Variants in ZNF665 observed in about 807,000 individuals in gnomAD.
ZNF665 encodes the protein zinc finger protein 665.
In ZNF665, 6 loss-of-function variants were observed where a neutral mutation model predicts 7.9. The ratio of observed to expected loss-of-function variants is 0.76; its 90% CI spans 0.42 to 1.50. The LOEUF (loss-of-function observed/expected upper bound fraction) is 1.50, where lower values mean the gene tolerates loss of function less well. ZNF665 is among the 40% of genes most tolerant of loss of function. The pLI, the probability that ZNF665 is intolerant of heterozygous loss-of-function variation, is 0.01. For missense variants in ZNF665, 819 were observed against 806.7 expected (o/e 1.02, Z -0.18); for synonymous variants, 242 against 274.5 (o/e 0.88, Z 1.17).
At position 53,175,579 on chromosome 19, in the gene ZNF665, G is replaced by A; in HGVS notation, c.16-8C>T. 6.3e-7 allele frequency: 1 copy of A among 1,589,180 alleles called. No homozygotes were observed. The highest frequency in any genetic ancestry group is 8.5e-7 in the Non-Finnish European group (1 of 1,172,728). On this transcript the variant is annotated splice_region_variant and splice_polypyrimidine_tract_variant and intron_variant, in intron 2 of 3. Transcript: ENST00000396424. ...CTTGAATGTCAACTGTCCCTAAAAT[G>A]AAAAACACATTTCACCAAGTGACTA...
At chr19:53,175,417 C>A (rs1303795375) in intron 3 of ZNF665, 28 bp downstream of exon 3, 7 of 1,600,158 alleles carry the variant, frequency 4.4e-6, no homozygotes, top group Non-Finnish European at 6.0e-6. Context: ...AGAACAGACC[C>A]TGACTTCTAA....
intron 3 of ZNF665, among the ~76,000 whole-genome samples, chr19:53,167,908 T>C (rs957851607): frequency 3.4e-5 from 5 of 148,924 alleles, no homozygotes; most frequent in African/African-American, 1.2e-4. Flanking sequence ...TACAAAAAAT[T>C]CGCCATGCGT....
At position 53,183,500 on chromosome 19, in the gene ZNF665, G is replaced by T. The variant is rs1478589724; in HGVS notation, c.-45-557C>A. On this transcript the variant is annotated intron_variant, in intron 1 of 3. Transcript: ENST00000396424. ...AGCATTCTTGAGCTCCACTGAGAGG[G>T]GCCGAGCCCAGCACAGCCCCCCCAC... is the stretch of plus-strand genomic sequence containing the variant. Among the ~76,000 whole-genome samples, 3 of 152,002 alleles carry T rather than the reference G, an allele frequency of 2.0e-5. No homozygotes were observed. The South Asian group carries it at 6.2e-4, about 31-fold the overall frequency.
In ZNF665 at chr19:53,175,586, A is replaced by G; in HGVS notation, c.16-15T>C. 6.3e-7 allele frequency: 1 copy of G among 1,586,066 alleles called. No individual in the cohort carries two copies. ...GTCAACTGTCCCTAAAATGAAAAACACATTTCACCAAGTGACTATGAGGAA... is the reference window on the plus strand; with the variant it reads ...GTCAACTGTCCCTAAAATGAAAAACGCATTTCACCAAGTGACTATGAGGAA... On this transcript the variant is annotated splice_polypyrimidine_tract_variant and intron_variant, in intron 2 of 3. Transcript: ENST00000396424.
At chr19:53,183,217 G>T (rs948492260) in intron 1 of ZNF665, among the ~76,000 whole-genome samples, 5 of 152,162 alleles carry the variant, frequency 3.3e-5, no homozygotes, top group African/African-American at 1.2e-4. Context: ...GCAGTGGGGA[G>T]CTGGGCTGGA....
intron 3 of ZNF665, among the ~76,000 whole-genome samples, chr19:53,171,763 T>A (rs1190129837): frequency 1.3e-5 from 2 of 151,732 alleles, no homozygotes; most frequent in Non-Finnish European, 2.9e-5. Flanking sequence ...TAGATTTGTG[T>A]TTTTATTTTG....
chr19:53,191,082 C>G (rs1057164426), intron 1 of ZNF665, among the ~76,000 whole-genome samples: 1 of 142,134 alleles, frequency 7.0e-6, no homozygotes, highest in Non-Finnish European at 1.5e-5. Context: ...AGCTCCGAAT[C>G]TGGGACTTGG....
intron 1 of ZNF665, among the ~76,000 whole-genome samples, chr19:53,183,326 A>G (rs1286165666): frequency 6.6e-6 from 1 of 152,204 alleles, no homozygotes; most frequent in Non-Finnish European, 1.5e-5. Context: ...CTCAGCCTTC[A>G]GAAATGATCA....
At chr19:53,175,628 T>C in intron 2 of ZNF665, 57 bp from the exon 3 acceptor site, 1 of 1,551,402 alleles carries the variant, frequency 6.4e-7, no homozygotes, top group Non-Finnish European at 8.7e-7. Context: ...AATCTTCACA[T>C]AAAACAAGAA....
chr19:53,175,998 TA>T (rs1381207726), intron 2 of ZNF665, among the ~76,000 whole-genome samples: 1 of 151,906 alleles, frequency 6.6e-6, no homozygotes, highest in Non-Finnish European at 1.5e-5. Context: ...CTGTCTCTAC[TA>T]AAAATACAAA....
intron 3 of ZNF665, 84 bp from the exon 4 acceptor site, chr19:53,166,431 C>A (rs758509426): frequency 1.6e-6 from 2 of 1,214,972 alleles, no homozygotes; most frequent in Non-Finnish European, 2.3e-6. Context: ...AATGTTACAC[C>A]AAAAGTAATA....
Position 53,165,386 on chromosome 19 carries a change from A to T in ZNF665, c.1104T>A (p.His368Gln). 1 of 1,614,172 alleles carries T rather than the reference A, an allele frequency of 6.2e-7. No individual in the cohort carries two copies. The highest frequency in any genetic ancestry group is 8.5e-7 in the Non-Finnish European group (1 of 1,180,018). ...NSYLAKHRRI[H>Q]TGEKPYKCNE... Reference sequence around the variant, plus strand: ...TACACTTGTAAGGTTTCTCACCAGTATGAATTCGCCGATGCTTTGCAAGGT... The same window carrying T: ...TACACTTGTAAGGTTTCTCACCAGTTTGAATTCGCCGATGCTTTGCAAGGT... The change falls in exon 4 of 4, where the codon CAT (histidine) becomes CAA (glutamine). Residue 368 changes from histidine to glutamine, a missense_variant. His to Gln is a conservative substitution (Grantham distance 24, BLOSUM62 0). Transcript: ENST00000396424.
intron 3 of ZNF665, among the ~76,000 whole-genome samples, chr19:53,166,920 A>AACTACATACCCCTATAT (rs2146838322): frequency 6.6e-6 from 1 of 152,334 alleles, no homozygotes; most frequent in South Asian, 2.1e-4. Context: ...CCTGTTATAA[A>AACTACATACCCCTATAT]ACTACATACC....
chr19:53,175,695 C>T, intron 2 of ZNF665, 124 bp from the exon 3 acceptor site: 2 of 1,111,484 alleles, frequency 1.8e-6, no homozygotes, highest in Non-Finnish European at 2.6e-6. Flanking sequence ...CACATCCAGG[C>T]TGTGATCACG....
At chr19:53,170,703 C>G (rs1031298471) in intron 3 of ZNF665, among the ~76,000 whole-genome samples, 1 of 152,234 alleles carries the variant, frequency 6.6e-6, no homozygotes, top group African/African-American at 2.4e-5. Flanking sequence ...CATAACTCGA[C>G]TATTGTGAAC....
At chr19:53,181,927 G>C (rs758808622) in intron 2 of ZNF665, 1 of 152,196 alleles carries the variant, frequency 6.6e-6, no homozygotes, top group Non-Finnish European at 1.5e-5. Context: ...TGCTCCCAGA[G>C]GCCTTACCCT....
intron 2 of ZNF665, among the ~76,000 whole-genome samples, chr19:53,178,082 T>C (rs1365743082): frequency 2.0e-5 from 3 of 152,182 alleles, no homozygotes; most frequent in Admixed American, 1.3e-4. Context: ...GCTAAAGCAT[T>C]AAGGAAGGCT....
chr19:53,177,731 A>G lies in ZNF665; in HGVS notation c.16-2160T>C, dbSNP rs559137689. On this transcript the variant is annotated intron_variant, in intron 2 of 3. Coordinates refer to ENST00000396424, the MANE Select transcript of ZNF665 (RefSeq NM_024733.5). ...GAAGAAAAAACAAGTCAGAGCCTTAAAACTATGATGAGAGCAATAGCAATG... is the reference window on the plus strand; with the variant it reads ...GAAGAAAAAACAAGTCAGAGCCTTAGAACTATGATGAGAGCAATAGCAATG... Among the ~76,000 whole-genome samples, 3 of 152,328 alleles carry G rather than the reference A, an allele frequency of 2.0e-5. No homozygotes were observed. In the East Asian group the frequency reaches 5.8e-4, roughly 29 times the overall value.
intron 1 of ZNF665, among the ~76,000 whole-genome samples, chr19:53,183,994 A>C (rs905764319): frequency 6.6e-6 from 1 of 152,196 alleles, no homozygotes; most frequent in Non-Finnish European, 1.5e-5. Context: ...TCTTGCCTGT[A>C]ATCTCAGCAC....
Sources: allele counts gnomAD v4.1 joint callset (sites outside exome capture counted in the v4.1 genomes callset), GRCh38; gene constraint gnomAD v4.1.1; transcripts MANE v1.5; gene names NCBI Gene and HGNC (gene_info 2026-07-23, HGNC 2026-07-21).